Variants in RYR2 observed in about 807,000 individuals in gnomAD.
RYR2 encodes the protein cardiac muscle ryanodine receptor-calcium release channel.
In RYR2, 227 loss-of-function variants were observed where a neutral mutation model predicts 601.1. The ratio of observed to expected loss-of-function variants is 0.38; its 90% CI spans 0.34 to 0.42. The LOEUF is 0.42. Among genes scored for constraint, RYR2 ranks in the 10% least tolerant of loss-of-function variants. RYR2 has a pLI of 1.00. For missense variants in RYR2, 4,646 were observed against 6,156.5 expected (o/e 0.75, Z 8.21); for synonymous variants, 2,223 against 2,175.1 (o/e 1.02, Z -0.61).
At chr1:237,215,518 A>G (rs1181063791) in intron 1 of RYR2, among the ~76,000 whole-genome samples, 1 of 152,004 alleles carries the variant, frequency 6.6e-6, no homozygotes, top group Non-Finnish European at 1.5e-5. Flanking sequence ...TTTTCTCTAT[A>G]TTTTTGCTTC....
intron 2 of RYR2, among the ~76,000 whole-genome samples, chr1:237,306,893 T>A (rs141433679): frequency 2.6e-5 from 4 of 152,296 alleles, no homozygotes; most frequent in Non-Finnish European, 4.4e-5. Flanking sequence ...TTCTACTGTA[T>A]CCCCTCTTCC....
intron 1 of RYR2, among the ~76,000 whole-genome samples, chr1:237,093,661 G>A (rs1325435580): frequency 2.0e-5 from 3 of 152,198 alleles, no homozygotes; most frequent in African/African-American, 4.8e-5. Flanking sequence ...GCATTGAGCG[G>A]AGGGAGTTAG....
intron 10 of RYR2, among the ~76,000 whole-genome samples, chr1:237,408,433 AT>A (rs1346314933): frequency 9.4e-6 from 1 of 106,702 alleles, no homozygotes; most frequent in African/African-American, 5.2e-5. Flanking sequence ...TTTCAGTACT[AT>A]TTGGGGAGAA....
intron 8 of RYR2, among the ~76,000 whole-genome samples, chr1:237,380,303 ATAAC>A (rs1267650417): frequency 7.2e-6 from 1 of 137,984 alleles, no homozygotes; most frequent in East Asian, 2.1e-4. Context: ...TAAACCCTGA[ATAAC>A]TAAAGTTGGG....
chr1:237,819,066 C>T lies in RYR2; in HGVS notation c.14464C>T (p.Arg4822Cys), dbSNP rs876657986. Residue 4822 changes from arginine to cysteine, a missense_variant, in exon 101 of 105, where the codon CGT (arginine) becomes TGT (cysteine). This residue lies in a region of RYR2 where 55 missense variants were observed against 204.7 expected (regional missense o/e 0.27). Coordinates refer to ENST00000366574, the MANE Select transcript of RYR2 (RefSeq NM_001035.3). This position sits in a 1 kb window ranked among gnomAD's most constrained non-coding sequence, Gnocchi z 4.0. ...TATGTTCCACATGTATGTTGGAGTT[C>T]GTGCTGGAGGAGGGATCGGGGATGA... is the stretch of plus-strand genomic sequence containing the variant. Reference protein sequence around the residue: ...CYMFHMYVGVRAGGGIGDEIE... With the variant: ...CYMFHMYVGVCAGGGIGDEIE... The T allele has an allele frequency of 6.2e-7, 1 of 1,613,768 alleles. No homozygotes were observed. Among genetic ancestry groups the T allele is most frequent in the Non-Finnish European group, 8.5e-7 (1 of 1,179,800 alleles).
intron 12 of RYR2, among the ~76,000 whole-genome samples, chr1:237,437,332 G>C (rs1187413029): frequency 6.6e-6 from 1 of 152,002 alleles, no homozygotes; most frequent in Non-Finnish European, 1.5e-5. Context: ...GATTACAGGC[G>C]TGAGCCACCG....
At chr1:237,649,830 T>C (rs776827759) in intron 49 of RYR2, 47 bp from the exon 50 acceptor site, 1 of 1,546,806 alleles carries the variant, frequency 6.5e-7, no homozygotes, top group Non-Finnish European at 8.9e-7. Context: ...TTGAAGATTA[T>C]CTACTGCCAA....
At chr1:237,066,832 G>A (rs1347200387) in intron 1 of RYR2, among the ~76,000 whole-genome samples, 7 of 151,912 alleles carry the variant, frequency 4.6e-5, no homozygotes, top group Non-Finnish European at 1.5e-5. Context: ...TAGTAGAGAC[G>A]GGGTTTCACC....
At chr1:237,694,326 G>C (rs972746386) in intron 63 of RYR2, among the ~76,000 whole-genome samples, 3 of 149,762 alleles carry the variant, frequency 2.0e-5, no homozygotes, top group Non-Finnish European at 4.4e-5. Flanking sequence ...ATTACTTAAA[G>C]TACTCAGAAT....
intron 87 of RYR2, among the ~76,000 whole-genome samples, chr1:237,777,719 A>AAAG (rs1338147029): frequency 6.6e-6 from 1 of 152,244 alleles, no homozygotes; most frequent in Non-Finnish European, 1.5e-5. Context: ...CTAAGAGAAC[A>AAAG]AAGTTAGGTT....
At chr1:237,284,690 A>ACACACACACG (rs1034761341) in intron 2 of RYR2, among the ~76,000 whole-genome samples, 1 of 149,970 alleles carries the variant, frequency 6.7e-6, no homozygotes, top group Non-Finnish European at 1.5e-5. Context: ...ATGTACACAC[A>ACACACACACG]CACACACCCA....
chr1:237,630,820 C>T (rs979159958), intron 41 of RYR2, among the ~76,000 whole-genome samples: 28 of 152,190 alleles, frequency 1.8e-4, no homozygotes, highest in African/African-American at 6.5e-4. Context: ...CACCTAACAC[C>T]GTTTCTTGAA....
At chr1:237,121,042 GTGTGTGTGTGCACA>G (rs1314669408) in intron 1 of RYR2, 2 of 151,958 alleles carry the variant, frequency 1.3e-5, no homozygotes, top group East Asian at 1.9e-4. Flanking sequence ...GTGTGTGTGT[GTGTGTGTGTGCACA>G]TGTGTGTGTG....
At chr1:237,197,706 T>A (rs1558408456) in intron 1 of RYR2, among the ~76,000 whole-genome samples, 1 of 152,164 alleles carries the variant, frequency 6.6e-6, no homozygotes, top group Non-Finnish European at 1.5e-5. Context: ...ATGTCTGAAC[T>A]GCAGTGGAGG....
In RYR2 at chr1:237,784,069, G is replaced by C; in HGVS notation, c.12357G>C (p.Leu4119=). The change falls in exon 90 of 105, where the codon CTG becomes CTC. Residue 4119 remains leucine, a synonymous_variant. Transcript: ENST00000366574. This position sits in a 1 kb window ranked among gnomAD's most constrained non-coding sequence, Gnocchi z 7.1. ...MPNDTRLQTF[L]ELAESVLNYF... is the part of the protein sequence containing the mutation. ...ACGATACCCGACTTCAGACTTTTCT[G>C]GAATTAGCAGAGAGCGTCCTGAATT... is the stretch of plus-strand genomic sequence containing the variant. 6.2e-7 allele frequency: 1 copy of C among 1,613,984 alleles called. No individual in the cohort carries two copies. The highest frequency in any genetic ancestry group is 8.5e-7 in the Non-Finnish European group (1 of 1,179,890).
intron 22 of RYR2, among the ~76,000 whole-genome samples, chr1:237,505,897 T>C (rs1298956402): frequency 1.3e-5 from 2 of 152,206 alleles, no homozygotes; most frequent in African/African-American, 2.4e-5. Context: ...AAAGATTTTG[T>C]TTCTTTTCTG....
intron 25 of RYR2, among the ~76,000 whole-genome samples, chr1:237,532,283 T>C (rs1014726750): frequency 1.1e-4 from 17 of 152,168 alleles, no homozygotes; most frequent in Non-Finnish European, 2.1e-4. Flanking sequence ...ATAATATTTA[T>C]TGATAGAGTC....
intron 1 of RYR2, among the ~76,000 whole-genome samples, chr1:237,143,645 G>C (rs978797731): frequency 1.3e-5 from 2 of 152,010 alleles, no homozygotes; most frequent in Non-Finnish European, 2.9e-5. Context: ...GTCTTGCTTT[G>C]TCCACACCCT....
rs1178502417 is a variant in RYR2 at position 237,782,759 on chromosome 1, G to GTAAC, written c.11963-915_11963-912dup. On this transcript the variant is annotated intron_variant, in intron 89 of 104. Coordinates refer to ENST00000366574, the MANE Select transcript of RYR2 (RefSeq NM_001035.3). ...TGAATTAAGTACTTATTTAATCCTA[G>GTAAC]TAACAAGTTTATCAGTTCAATGGTA... Among the ~76,000 whole-genome samples, 10 of 152,276 alleles carry GTAAC rather than the reference G, an allele frequency of 6.6e-5. No individual in the cohort carries two copies. The South Asian group carries it at 1.9e-3, about 28-fold the overall frequency.
Sources: gnomAD v4.1 joint callset for allele counts (sites outside exome capture counted in the v4.1 genomes callset) on GRCh38, gnomAD v4.1.1 for gene constraint, gnomAD v4.1.1 regional missense constraint, Gnocchi (gnomAD v3.1) non-coding constraint, MANE v1.5 for transcripts, NCBI Gene and HGNC (gene_info 2026-07-23, HGNC 2026-07-21) for gene names.